ZNF98: variants seen among roughly 807,000 people sequenced by gnomAD.
ZNF98 encodes the protein zinc finger protein 739.
In ZNF98, 8 loss-of-function variants were observed where a neutral mutation model predicts 12.8. That is an observed-to-expected ratio of 0.63 (90% CI 0.37 to 1.13). ZNF98 has a LOEUF of 1.13. Ranked by LOEUF, ZNF98 falls within the 50% of genes most tolerant of loss-of-function variation. The pLI is 0.01. For missense variants in ZNF98, 379 were observed against 666.1 expected (o/e 0.57, Z 4.74); for synonymous variants, 112 against 223.5 (o/e 0.50, Z 4.45).
At chr19:22,420,531 G>A (rs559331075) in intron 1 of ZNF98, among the ~76,000 whole-genome samples, 1 of 152,226 alleles carries the variant, frequency 6.6e-6, no homozygotes, top group South Asian at 2.1e-4. Context: ...GAAGACAATT[G>A]TAATGTCTCA....
chr19:22,403,467 C>T lies in ZNF98; in HGVS notation c.76G>A (p.Glu26Lys). Residue 26 changes from glutamate to lysine, a missense_variant, in exon 2 of 4, where the codon GAG (glutamate) becomes AAG (lysine). By Grantham distance (56) the Glu-to-Lys change is moderately conservative. Transcript: ENST00000357774. ...TGTGCGGTGTCCAGGCATTGCCACT[C>T]CTCCAGAGAGAATTCTAAGGCCACA... is the stretch of plus-strand genomic sequence containing the variant. ...RDVALEFSLEEWQCLDTAQQN... is the reference protein window; with the variant it reads ...RDVALEFSLEKWQCLDTAQQN... 6.2e-7 allele frequency: 1 copy of T among 1,610,324 alleles called. No homozygotes were observed. The highest frequency in any genetic ancestry group is 8.5e-7 in the Non-Finnish European group (1 of 1,179,228).
chr19:22,411,741 T>G (rs1969583339), intron 1 of ZNF98, among the ~76,000 whole-genome samples: 1 of 152,352 alleles, frequency 6.6e-6, no homozygotes, highest in Non-Finnish European at 1.5e-5. Flanking sequence ...ATATCCTCCC[T>G]TATTTTCACA....
chr19:22,401,461 A>T (rs1969456082), intron 3 of ZNF98, among the ~76,000 whole-genome samples: 2 of 151,448 alleles, frequency 1.3e-5, no homozygotes, highest in Non-Finnish European at 2.9e-5. Context: ...ATTTAAAAAC[A>T]TTTCATGTCT....
intron 1 of ZNF98, among the ~76,000 whole-genome samples, chr19:22,421,584 G>A (rs1017517248): frequency 2.0e-5 from 3 of 152,098 alleles, no homozygotes; most frequent in East Asian, 1.9e-4. Flanking sequence ...ACACAACCAG[G>A]AAATTTCTAG....
At chr19:22,418,441 A>C (rs1334603531) in intron 1 of ZNF98, among the ~76,000 whole-genome samples, 1 of 152,248 alleles carries the variant, frequency 6.6e-6, no homozygotes, top group African/African-American at 2.4e-5. Flanking sequence ...GCTGTGATTA[A>C]TAAAATTCTC....
rs140301665 is a variant in ZNF98 at position 22,392,885 on chromosome 19, C to G, written c.350G>C (p.Arg117Pro). Reference protein sequence around the residue: ...VILRTYKKCGRENLQLRKYCK... With the variant: ...VILRTYKKCGPENLQLRKYCK... Reference sequence around the variant, plus strand: ...GTATTTTCTTAACTGTAAATTTTCACGTCCACATTTTTTATATGTTCTCAG... The same window carrying G: ...GTATTTTCTTAACTGTAAATTTTCAGGTCCACATTTTTTATATGTTCTCAG... The change falls in exon 4 of 4, where the codon CGT (arginine) becomes CCT (proline). Residue 117 changes from arginine (R) to proline (P), a missense_variant. Transcript: ENST00000357774. The G allele has an allele frequency of 1.2e-6, 2 of 1,607,202 alleles. No individual in the cohort carries two copies. The highest frequency in any genetic ancestry group is 1.7e-6 in the Non-Finnish European group (2 of 1,177,746).
At chr19:22,395,116 G>A (rs146452210) in intron 3 of ZNF98, among the ~76,000 whole-genome samples, 5,538 of 151,132 alleles carry the variant, frequency 0.037, 351 homozygotes, top group African/African-American at 0.13. Flanking sequence ...AGGCTGCAGT[G>A]GGCTGAGACC....
Position 22,394,478 on chromosome 19 carries a change from C to T in ZNF98, c.254-1497G>A, listed in dbSNP as rs186687858. On this transcript the variant is annotated intron_variant, in intron 3 of 3. Transcript: ENST00000357774. ...TAGAATGGATTAAGAAAATGTGGCA[C>T]GTATATACTACAGAATACTATGTAT... 5.5e-4 allele frequency among the ~76,000 whole-genome samples: 83 copies of T among 152,156 alleles called. 2 individuals are homozygous for T. In the East Asian group the frequency reaches 0.013, roughly 23 times the overall value.
At chr19:22,403,824 T>G (rs570007544) in intron 1 of ZNF98, among the ~76,000 whole-genome samples, 4 of 152,364 alleles carry the variant, frequency 2.6e-5, no homozygotes, top group African/African-American at 9.6e-5. Context: ...CAGAATAAGT[T>G]GTGTAAATTT....
At chr19:22,407,066 A>C (rs1969527667) in intron 1 of ZNF98, among the ~76,000 whole-genome samples, 1 of 151,304 alleles carries the variant, frequency 6.6e-6, no homozygotes, top group African/African-American at 2.4e-5. Flanking sequence ...GCTAACTAGA[A>C]TAACCAGTTA....
chr19:22,391,359 T>C lies in ZNF98; in HGVS notation c.*157A>G. On this transcript the variant is annotated 3_prime_UTR_variant, in exon 4 of 4. Transcript: ENST00000357774. ...TTTCTTTATATTTGTACATTTGTTC[T>C]CATCAAGTATAAAGGCTTTCCTGTG... 7.2e-7 allele frequency: 1 copy of C among 1,398,522 alleles called. No individual in the cohort carries two copies. The highest frequency in any genetic ancestry group is 9.5e-7 in the Non-Finnish European group (1 of 1,054,196). 86.6% of individuals were successfully genotyped at this position (1,398,522 alleles called of 1,614,324 possible). A position where few individuals can be genotyped will look rare whatever the true frequency, so the allele number is the denominator to read the frequency against.
At chr19:22,407,353 A>G (rs1352853619) in intron 1 of ZNF98, among the ~76,000 whole-genome samples, 2 of 147,106 alleles carry the variant, frequency 1.4e-5, no homozygotes, top group African/African-American at 4.9e-5. Flanking sequence ...CACTGTGCCC[A>G]GTCCTATTTT....
chr19:22,420,373 T>C (rs1969690925), intron 1 of ZNF98, among the ~76,000 whole-genome samples: 1 of 152,194 alleles, frequency 6.6e-6, no homozygotes, highest in South Asian at 2.1e-4. Context: ...AGGTTTTTTT[T>C]CTTTCTTTTG....
At chr19:22,418,876 C>G (rs1009791459) in intron 1 of ZNF98, among the ~76,000 whole-genome samples, 1 of 151,858 alleles carries the variant, frequency 6.6e-6, no homozygotes, top group Non-Finnish European at 1.5e-5. Context: ...AAGACTCTGC[C>G]TCAAAAAAAA....
chr19:22,391,246 T>C lies in ZNF98; in HGVS notation c.*270A>G. ...TTAAATGCTTATATTTTCTGAACTC[T>C]TTTGACAGTAATTGCACCTTTAATG... is the stretch of plus-strand genomic sequence containing the variant. On this transcript the variant is annotated 3_prime_UTR_variant, in exon 4 of 4. Transcript: ENST00000357774. 1 of 558,000 alleles carries C rather than the reference T, an allele frequency of 1.8e-6. No homozygotes were observed. The highest frequency in any genetic ancestry group is 2.9e-6 in the Non-Finnish European group (1 of 350,550). 34.6% of individuals were successfully genotyped at this position (558,000 alleles called of 1,614,324 possible).
At chr19:22,398,003 C>A (rs1969416630) in intron 3 of ZNF98, among the ~76,000 whole-genome samples, 2 of 151,126 alleles carry the variant, frequency 1.3e-5, no homozygotes, top group Non-Finnish European at 3.0e-5. Flanking sequence ...CATTTGCATA[C>A]CCACATTTAT....
At chr19:22,413,079 TAA>T (rs147517601) in intron 1 of ZNF98, among the ~76,000 whole-genome samples, 146 of 150,220 alleles carry the variant, frequency 9.7e-4, no homozygotes, top group African/African-American at 3.3e-3. Flanking sequence ...AAAATAAAAA[TAA>T]AAAAAAATAA....
chr19:22,393,279 A>G (rs1969353954), intron 3 of ZNF98, among the ~76,000 whole-genome samples: 1 of 152,250 alleles, frequency 6.6e-6, no homozygotes, highest in Non-Finnish European at 1.5e-5. Flanking sequence ...TATATAACAT[A>G]GTGACTTTAG....
intron 1 of ZNF98, among the ~76,000 whole-genome samples, chr19:22,411,936 G>C (rs1034245030): frequency 2.0e-5 from 3 of 150,686 alleles, no homozygotes; most frequent in African/African-American, 7.3e-5. Flanking sequence ...CAAGTTGTTA[G>C]AGACCGATGA....
Sources: gnomAD v4.1 joint callset for allele counts (sites outside exome capture counted in the v4.1 genomes callset) on GRCh38, gnomAD v4.1.1 for gene constraint, MANE v1.5 for transcripts, NCBI Gene and HGNC (gene_info 2026-07-23, HGNC 2026-07-21) for gene names.